IQGAP1: variants seen among roughly 807,000 people sequenced by gnomAD.
The protein encoded by IQGAP1 is ras GTPase-activating-like protein IQGAP1.
Under a neutral mutation model 215.6 loss-of-function variants are expected in IQGAP1, and 66 were observed. The ratio of observed to expected loss-of-function variants is 0.31; its 90% CI spans 0.25 to 0.38. The LOEUF (loss-of-function observed/expected upper bound fraction) is 0.38, where lower values mean the gene tolerates loss of function less well. Among genes scored for constraint, IQGAP1 ranks in the 10% least tolerant of loss-of-function variants. The pLI, the probability that IQGAP1 is intolerant of heterozygous loss-of-function variation, is 1.00. For synonymous variants in IQGAP1, 772 were observed against 728.7 expected (o/e 1.06, Z -0.96); for missense variants, 1,712 against 1,997.1 (o/e 0.86, Z 2.72).
At chr15:90,425,759 A>G (rs1229639137) in intron 2 of IQGAP1, among the ~76,000 whole-genome samples, 1 of 152,236 alleles carries the variant, frequency 6.6e-6, no homozygotes, top group Non-Finnish European at 1.5e-5. Flanking sequence ...GGCTTCAGTT[A>G]CCAATGGCTT....
intron 2 of IQGAP1, among the ~76,000 whole-genome samples, chr15:90,418,402 C>G (rs1965083927): frequency 6.6e-6 from 1 of 151,418 alleles, no homozygotes; most frequent in South Asian, 2.1e-4. Flanking sequence ...GCCTGAGTAA[C>G]ATAGGGAGTT....
intron 15 of IQGAP1, among the ~76,000 whole-genome samples, chr15:90,458,867 T>G (rs1965722869): frequency 1.3e-5 from 2 of 152,316 alleles, no homozygotes; most frequent in Non-Finnish European, 1.5e-5. Flanking sequence ...ATCTATCAGA[T>G]ACTACACTTA....
intron 2 of IQGAP1, among the ~76,000 whole-genome samples, chr15:90,400,248 CA>C (rs933488608): frequency 6.6e-6 from 1 of 152,098 alleles, no homozygotes; most frequent in Non-Finnish European, 1.5e-5. Flanking sequence ...GGCTCTTCTT[CA>C]TTTTGTTTAC....
rs1444934526 is a variant in IQGAP1, at chr15:90,442,639, C to A, written c.829-755C>A. ...TGCTGCCCTGCCTCTGCCTATGTCA[C>A]CAGTGAGACTCCAGGATTGTGGATC... On this transcript the variant is annotated intron_variant, in intron 8 of 37. Coordinates refer to ENST00000268182, the MANE Select transcript of IQGAP1 (RefSeq NM_003870.4). 1.3e-5 allele frequency among the ~76,000 whole-genome samples: 2 copies of A among 152,120 alleles called. 1 individual carries two copies. Among genetic ancestry groups the A allele is most frequent in the African/African-American group, 4.8e-5 (2 of 41,424 alleles).
chr15:90,453,603 C>G (rs1965638894), intron 13 of IQGAP1, among the ~76,000 whole-genome samples: 1 of 152,164 alleles, frequency 6.6e-6, no homozygotes, highest in Non-Finnish European at 1.5e-5. Flanking sequence ...CCCAAACTGT[C>G]CTTTATAGCT....
chr15:90,445,343 C>G lies in IQGAP1; in HGVS notation c.913+1865C>G, dbSNP rs543244507. ...ATTATCGCTATGTCATGTAATCTCC[C>G]TACTGTAATGCCTTCATGCCTCATC... On this transcript the variant is annotated intron_variant, in intron 9 of 37. Coordinates refer to ENST00000268182, the MANE Select transcript of IQGAP1 (RefSeq NM_003870.4). 5.3e-5 allele frequency among the ~76,000 whole-genome samples: 8 copies of G among 152,036 alleles called. No homozygotes were observed. In the East Asian group the frequency reaches 1.4e-3, roughly 26 times the overall value.
At position 90,501,789 on chromosome 15, in the gene IQGAP1, C is replaced by G. The variant is rs1173397140; in HGVS notation, c.*1681C>G. The G allele has an allele frequency of 6.6e-6, 1 of 152,124 alleles. No homozygotes were observed. The highest frequency in any genetic ancestry group is 1.5e-5 in the Non-Finnish European group (1 of 68,026). 9.4% of individuals were successfully genotyped at this position (152,124 alleles called of 1,614,324 possible). ...CATTGCCTCAAAAACTGGGACCAACCAAAGTGTGTCAACCCTGTTTCCTTA... is the reference window on the plus strand; with the variant it reads ...CATTGCCTCAAAAACTGGGACCAACGAAAGTGTGTCAACCCTGTTTCCTTA... On this transcript the variant is annotated 3_prime_UTR_variant, in exon 38 of 38. Transcript: ENST00000268182.
chr15:90,395,334 T>G (rs1964698344), intron 2 of IQGAP1, among the ~76,000 whole-genome samples: 1 of 152,168 alleles, frequency 6.6e-6, no homozygotes, highest in South Asian at 2.1e-4. Context: ...TTTTTGTTTT[T>G]TTTTGAAACG....
chr15:90,500,150 CACCTCACAGCTCCTT>C lies in IQGAP1; in HGVS notation c.*43_*57del. 9.1e-7 allele frequency: 1 copy of C among 1,098,696 alleles called. No homozygotes were observed. Among genetic ancestry groups the C allele is most frequent in the Non-Finnish European group, 1.4e-6 (1 of 714,294 alleles). 68.1% of individuals were successfully genotyped at this position (1,098,696 alleles called of 1,614,324 possible). On this transcript the variant is annotated 3_prime_UTR_variant, in exon 38 of 38. Transcript: ENST00000268182. ...AGCCCAGAAGGATGAAGGAAAGAAG[CACCTCACAGCTCCTT>C]TCTAGGTCCTTCTTTCCTCATTGGA...
intron 26 of IQGAP1, 113 bp downstream of exon 26, chr15:90,478,002 C>CT (rs749258950): frequency 2.3e-5 from 17 of 740,660 alleles, no homozygotes; most frequent in Non-Finnish European, 3.3e-5. Context: ...CTTTTCTTTT[C>CT]TTTTTTTAGA....
At chr15:90,443,019 G>A (rs112602874) in intron 8 of IQGAP1, among the ~76,000 whole-genome samples, 2,929 of 151,978 alleles carry the variant, frequency 0.019, 77 homozygotes, top group African/African-American at 0.067. Context: ...GAGTGCAGTG[G>A]CACGGTCATA....
In IQGAP1 at chr15:90,441,560, A is replaced by G. The variant is rs1189382865; in HGVS notation, c.704A>G (p.Asp235Gly). Residue 235 changes from aspartate to glycine, a missense_variant, in exon 8 of 38, where the codon GAC becomes GGC. Coordinates refer to ENST00000268182, the MANE Select transcript of IQGAP1 (RefSeq NM_003870.4). ...NEAIDRRIPADTFAALKNPNA... is the reference protein window; with the variant it reads ...NEAIDRRIPAGTFAALKNPNA... ...GCTATTGACCGTAGAATTCCAGCCGACACATTTGCAGCTTTGAAAAATCCG... is the reference window on the plus strand; with the variant it reads ...GCTATTGACCGTAGAATTCCAGCCGGCACATTTGCAGCTTTGAAAAATCCG... 4 of 1,613,686 alleles carry G rather than the reference A, an allele frequency of 2.5e-6. No individual in the cohort carries two copies. Among genetic ancestry groups the G allele is most frequent in the African/African-American group, 2.7e-5 (2 of 74,788 alleles).
intron 2 of IQGAP1, among the ~76,000 whole-genome samples, chr15:90,424,878 G>A (rs1965198174): frequency 6.6e-6 from 1 of 151,752 alleles, no homozygotes; most frequent in African/African-American, 2.4e-5. Flanking sequence ...TAAATTAGGA[G>A]TTTTAAATCT....
chr15:90,391,269 T>G (rs939882754), intron 2 of IQGAP1: 29 of 165,440 alleles, frequency 1.8e-4, no homozygotes, highest in African/African-American at 6.7e-4. Context: ...TTTATTTGAG[T>G]ATGTTATAGA....
intron 2 of IQGAP1, among the ~76,000 whole-genome samples, chr15:90,404,436 CAT>C (rs1964848316): frequency 6.6e-6 from 1 of 152,074 alleles, no homozygotes; most frequent in South Asian, 2.1e-4. Flanking sequence ...GTTTAAAAGC[CAT>C]TTGTATGTTC....
At chr15:90,439,622 C>G (rs1161918654) in intron 6 of IQGAP1, among the ~76,000 whole-genome samples, 1 of 152,158 alleles carries the variant, frequency 6.6e-6, no homozygotes, top group African/African-American at 2.4e-5. Flanking sequence ...TAGTGAGTCT[C>G]AGTTTTCTTA....
intron 2 of IQGAP1, 133 bp downstream of exon 2, chr15:90,391,006 G>A: frequency 1.6e-6 from 1 of 618,320 alleles, no homozygotes; most frequent in Middle Eastern, 3.3e-4. Flanking sequence ...GGCCGAGGTG[G>A]GGGGGAATCA....
rs773642182 is a variant in IQGAP1, at chr15:90,499,958, A to G, written c.4861-37A>G. 5.5e-6 allele frequency: 6 copies of G among 1,097,308 alleles called. No individual in the cohort carries two copies. In the African/African-American group the frequency reaches 7.2e-5, roughly 13 times the overall value. The allele number at this position is 1,097,308 out of a possible 1,614,324, so 68.0% of individuals were successfully genotyped here. Reference sequence around the variant, plus strand: ...GTTCCACAGACTTGATTAACTGTCAAAATGTTTTGTTTTGTTTTGTTTTGT... The same window carrying G: ...GTTCCACAGACTTGATTAACTGTCAGAATGTTTTGTTTTGTTTTGTTTTGT... On this transcript the variant is annotated intron_variant, in intron 37 of 37. Coordinates refer to ENST00000268182, the MANE Select transcript of IQGAP1 (RefSeq NM_003870.4).
At chr15:90,406,608 AT>A (rs1289857728) in intron 2 of IQGAP1, among the ~76,000 whole-genome samples, 2 of 152,236 alleles carry the variant, frequency 1.3e-5, no homozygotes, top group Non-Finnish European at 2.9e-5. Flanking sequence ...AGAGCTGCAG[AT>A]TTTTAGTTCA....
Sources: allele counts gnomAD v4.1 joint callset (sites outside exome capture counted in the v4.1 genomes callset), GRCh38; gene constraint gnomAD v4.1.1; transcripts MANE v1.5; gene names NCBI Gene and HGNC (gene_info 2026-07-23, HGNC 2026-07-21).